GRID2: variants seen among roughly 807,000 people sequenced by gnomAD.
GRID2 encodes the protein glutamate ionotropic receptor delta type subunit 2, also known as glutamate receptor ionotropic, delta-2.
GRID2 carries 33 observed loss-of-function variants against 114.8 expected under a neutral mutation model. That is an observed-to-expected ratio of 0.29 (90% CI 0.22 to 0.38). The LOEUF (loss-of-function observed/expected upper bound fraction) is 0.38, where lower values mean the gene tolerates loss of function less well. Ranked by LOEUF, GRID2 falls within the 10% of genes least tolerant of loss-of-function variation. The pLI is 1.00. For missense variants in GRID2, 1,184 were observed against 1,257.7 expected, an observed-to-expected ratio of 0.94 and a Z score of 0.89; for synonymous variants, 505 against 449.9, an observed-to-expected ratio of 1.12 and a Z score of -1.55.
intron 2 of GRID2, among the ~76,000 whole-genome samples, chr4:92,832,125 T>C (rs1742144511): frequency 6.7e-6 from 1 of 150,312 alleles, no homozygotes; most frequent in Non-Finnish European, 1.5e-5. Flanking sequence ...CTTATGAAAA[T>C]AAAAAAAAGG....
rs561732675 is a variant in GRID2, at chr4:92,938,877, C to G, written c.245-146118C>G. 8.9e-5 allele frequency among the ~76,000 whole-genome samples: 13 copies of G among 146,748 alleles called. No individual in the cohort carries two copies. The South Asian group carries it at 3.0e-3, about 34-fold the overall frequency. On this transcript the variant is annotated intron_variant, in intron 2 of 15. Transcript: ENST00000282020. ...ATGGTTTCCAGCTTCAACCATGTCCCTACAAAGGACATGAACTCATCATTT... is the reference window on the plus strand; with the variant it reads ...ATGGTTTCCAGCTTCAACCATGTCCGTACAAAGGACATGAACTCATCATTT...
intron 2 of GRID2, among the ~76,000 whole-genome samples, chr4:92,961,806 A>G (rs1752836753): frequency 6.6e-6 from 1 of 151,342 alleles, no homozygotes; most frequent in Admixed American, 6.6e-5. Flanking sequence ...CATATATGTT[A>G]CACTATTTGC....
chr4:93,528,774 T>G (rs969701081), intron 13 of GRID2, among the ~76,000 whole-genome samples: 2 of 152,190 alleles, frequency 1.3e-5, no homozygotes, highest in African/African-American at 4.8e-5. Flanking sequence ...GTATGTATAG[T>G]TCAACAGAAC....
chr4:93,620,722 C>T (rs1003847959), intron 13 of GRID2, among the ~76,000 whole-genome samples: 1 of 152,168 alleles, frequency 6.6e-6, no homozygotes, highest in Non-Finnish European at 1.5e-5. Context: ...TACAGTTCTT[C>T]ACCTGACAAA....
intron 2 of GRID2, among the ~76,000 whole-genome samples, chr4:92,849,436 G>C (rs181462394): frequency 2.0e-5 from 3 of 152,024 alleles, no homozygotes; most frequent in Admixed American, 1.3e-4. Flanking sequence ...CAATGAGTTA[G>C]GGAGTGGGAA....
Position 92,943,704 on chromosome 4 carries a change from G to A in GRID2, c.245-141291G>A, listed in dbSNP as rs531711407. Reference sequence around the variant, plus strand: ...TCTGCTCTGTTTTTTCCCCATCTTTGTGGTTTTGTCTACTTTTGGTCTTTG... The same window carrying A: ...TCTGCTCTGTTTTTTCCCCATCTTTATGGTTTTGTCTACTTTTGGTCTTTG... On this transcript the variant is annotated intron_variant, in intron 2 of 15. Coordinates refer to ENST00000282020, the MANE Select transcript of GRID2 (RefSeq NM_001510.4). Among the ~76,000 whole-genome samples the A allele has an allele frequency of 2.6e-5, 4 of 152,066 alleles. No individual in the cohort carries two copies. The East Asian group carries it at 7.7e-4, about 29-fold the overall frequency.
chr4:92,552,470 A>G (rs1336843576), intron 1 of GRID2, among the ~76,000 whole-genome samples: 2 of 152,196 alleles, frequency 1.3e-5, no homozygotes, highest in African/African-American at 4.8e-5. Flanking sequence ...GAGAAAGCAG[A>G]TGTTGCACTG....
intron 8 of GRID2, among the ~76,000 whole-genome samples, chr4:93,245,389 A>T (rs993775317): frequency 6.6e-6 from 1 of 152,138 alleles, no homozygotes; most frequent in African/African-American, 2.4e-5. Context: ...CTTTATCCTC[A>T]ATTCCTATCA....
At chr4:93,064,158 G>A (rs969566070) in intron 2 of GRID2, among the ~76,000 whole-genome samples, 2 of 149,482 alleles carry the variant, frequency 1.3e-5, no homozygotes, top group African/African-American at 4.9e-5. Flanking sequence ...ATATTAAGTT[G>A]GTGCAAAAGT....
intron 10 of GRID2, among the ~76,000 whole-genome samples, chr4:93,454,111 G>C (rs1373913164): frequency 2.6e-5 from 4 of 151,950 alleles, no homozygotes; most frequent in Non-Finnish European, 5.9e-5. Context: ...TTTTCTGCAA[G>C]TTCATTTTCA....
At chr4:93,631,258 G>C (rs1302778693) in intron 14 of GRID2, among the ~76,000 whole-genome samples, 1 of 151,356 alleles carries the variant, frequency 6.6e-6, no homozygotes, top group African/African-American at 2.4e-5. Context: ...GGGTACATGT[G>C]CACAACGTGC....
chr4:93,174,634 G>T (rs1315988796), intron 4 of GRID2, among the ~76,000 whole-genome samples: 2 of 152,104 alleles, frequency 1.3e-5, no homozygotes, highest in African/African-American at 2.4e-5. Flanking sequence ...GAGGAAGAGA[G>T]ATTTCTGTTT....
chr4:93,082,609 G>A (rs1729966088), intron 2 of GRID2, among the ~76,000 whole-genome samples: 1 of 152,128 alleles, frequency 6.6e-6, no homozygotes, highest in Non-Finnish European at 1.5e-5. Context: ...AGCAGGTAAA[G>A]CCAATTTCCC....
At chr4:92,431,397 G>A (rs1360000346) in intron 1 of GRID2, among the ~76,000 whole-genome samples, 1 of 152,062 alleles carries the variant, frequency 6.6e-6, no homozygotes, top group Non-Finnish European at 1.5e-5. Flanking sequence ...TTTATATGAT[G>A]TATCACATCG....
chr4:93,365,640 G>A (rs1415788785), intron 8 of GRID2, among the ~76,000 whole-genome samples: 1 of 152,030 alleles, frequency 6.6e-6, no homozygotes, highest in East Asian at 1.9e-4. Flanking sequence ...TAACTGAGAA[G>A]GCAGCAGGTA....
At chr4:93,264,292 G>A (rs539358305) in intron 8 of GRID2, among the ~76,000 whole-genome samples, 1 of 152,074 alleles carries the variant, frequency 6.6e-6, no homozygotes, top group African/African-American at 2.4e-5. Flanking sequence ...ATAAGCAAAG[G>A]AATGGTTTTG....
intron 1 of GRID2, among the ~76,000 whole-genome samples, chr4:92,308,360 A>T (rs1319289996): frequency 6.6e-6 from 1 of 152,214 alleles, no homozygotes; most frequent in East Asian, 1.9e-4. Context: ...ACACTCAAAC[A>T]GTGTACTTAT....
intron 14 of GRID2, among the ~76,000 whole-genome samples, chr4:93,663,073 C>A (rs1723636891): frequency 6.6e-6 from 1 of 152,118 alleles, no homozygotes; most frequent in Non-Finnish European, 1.5e-5. Context: ...GAACAAATGC[C>A]AGGCAAACTT....
At chr4:93,658,258 G>T (rs1319276321) in intron 14 of GRID2, among the ~76,000 whole-genome samples, 3 of 152,072 alleles carry the variant, frequency 2.0e-5, no homozygotes, top group Admixed American at 2.0e-4. Context: ...GTACACTGGG[G>T]TGAATAAGAG....
Sources: allele counts gnomAD v4.1 joint callset (sites outside exome capture counted in the v4.1 genomes callset), GRCh38; gene constraint gnomAD v4.1.1; transcripts MANE v1.5; gene names NCBI Gene and HGNC (gene_info 2026-07-23, HGNC 2026-07-21).